Variants in ZBTB20 observed in about 807,000 individuals in gnomAD.
The protein encoded by ZBTB20 is zinc finger and BTB domain containing 20.
A neutral mutation model predicts 56.9 loss-of-function variants in ZBTB20; 9 were observed. The observed-to-expected ratio is 0.16, with a 90% CI of 0.10 to 0.28. ZBTB20 has a LOEUF of 0.28. Ranked by LOEUF, ZBTB20 falls within the 10% of genes least tolerant of loss-of-function variation. ZBTB20 has a pLI of 1.00. For synonymous variants in ZBTB20, 417 were observed against 420.7 expected (o/e 0.99, Z 0.11); for missense variants, 655 against 1,003.0 (o/e 0.65, Z 4.69).
At chr3:115,037,244 C>A (rs906899190) in intron 2 of ZBTB20, among the ~76,000 whole-genome samples, 1 of 152,082 alleles carries the variant, frequency 6.6e-6, no homozygotes, top group Admixed American at 6.5e-5. Flanking sequence ...AGGTGTTAAA[C>A]CCACATCTAT....
chr3:115,112,314 CT>C (rs367812776), intron 1 of ZBTB20, among the ~76,000 whole-genome samples: 12 of 150,828 alleles, frequency 8.0e-5, no homozygotes, highest in Admixed American at 2.6e-4. Flanking sequence ...ATGTGGTTTT[CT>C]TTTTTTTTGA....
chr3:114,583,738 A>G (rs2054888582), intron 6 of ZBTB20, among the ~76,000 whole-genome samples: 1 of 152,190 alleles, frequency 6.6e-6, no homozygotes, highest in African/African-American at 2.4e-5. Context: ...GTTGAAATGT[A>G]TATTCCTTAG....
At chr3:115,121,154 T>C (rs1393198502) in intron 1 of ZBTB20, among the ~76,000 whole-genome samples, 1 of 152,036 alleles carries the variant, frequency 6.6e-6, no homozygotes, top group East Asian at 1.9e-4. Flanking sequence ...TGCCTAAAAT[T>C]TCCTGAGTTC....
At chr3:114,437,225 G>A (rs1225080554) in intron 7 of ZBTB20, among the ~76,000 whole-genome samples, 5 of 152,054 alleles carry the variant, frequency 3.3e-5, no homozygotes, top group Admixed American at 6.6e-5. Context: ...TTTGCCCAGG[G>A]CCTTGTCTGG....
intron 1 of ZBTB20, among the ~76,000 whole-genome samples, chr3:115,103,972 A>C (rs1025814220): frequency 2.0e-5 from 3 of 152,212 alleles, no homozygotes; most frequent in Non-Finnish European, 2.9e-5. Flanking sequence ...TGTTATCTAA[A>C]ACATGCAAAG....
intron 4 of ZBTB20, among the ~76,000 whole-genome samples, chr3:114,812,538 C>A (rs2072613917): frequency 6.6e-6 from 1 of 152,172 alleles, no homozygotes; most frequent in South Asian, 2.1e-4. Flanking sequence ...ACCAGAGTAG[C>A]CAGATATAGA....
intron 7 of ZBTB20, among the ~76,000 whole-genome samples, chr3:114,462,541 C>T (rs1396171747): frequency 2.0e-5 from 3 of 152,148 alleles, no homozygotes; most frequent in African/African-American, 7.2e-5. Context: ...TCTTGCATTT[C>T]CATACCATAT....
chr3:115,005,174 G>A lies in ZBTB20; in HGVS notation c.-506-30758C>T, dbSNP rs568513143. 2.2e-4 allele frequency among the ~76,000 whole-genome samples: 34 copies of A among 151,780 alleles called. No homozygotes were observed. In the South Asian group the frequency reaches 6.4e-3, roughly 29 times the overall value. Reference sequence around the variant, plus strand: ...TTTTAAATTAATACATTTAGAAAAGGTTTAATAGAATGTGGCTGAACCTCA... The same window carrying A: ...TTTTAAATTAATACATTTAGAAAAGATTTAATAGAATGTGGCTGAACCTCA... On this transcript the variant is annotated intron_variant, in intron 2 of 11. Transcript: ENST00000675478.
At chr3:114,871,821 A>G (rs964362319) in intron 4 of ZBTB20, among the ~76,000 whole-genome samples, 1 of 152,158 alleles carries the variant, frequency 6.6e-6, no homozygotes, top group African/African-American at 2.4e-5. Flanking sequence ...CACACTCTCT[A>G]TACCACAACT....
At position 114,315,568 on chromosome 3, in the gene ZBTB20, A is replaced by AGTGTGTGTGTGTGTGTGT. The variant is rs60383315; in HGVS notation, c.*23419_*23436dup. 6.8e-6 allele frequency: 1 copy of AGTGTGTGTGTGTGTGTGT among 147,598 alleles called. No individual in the cohort carries two copies. The highest frequency in any genetic ancestry group is 2.5e-5 in the African/African-American group (1 of 39,754). The allele number at this position is 147,598 out of a possible 1,614,324, so 9.1% of individuals were successfully genotyped here. On this transcript the variant is annotated 3_prime_UTR_variant, in exon 12 of 12. Transcript: ENST00000675478. ...GTGTGTATTTTAGGTCTAAACATAC[A>AGTGTGTGTGTGTGTGTGT]GTGTGTGTGTGTGTGTGTGTGTGTG... is the stretch of plus-strand genomic sequence containing the variant.
intron 6 of ZBTB20, among the ~76,000 whole-genome samples, chr3:114,536,767 G>T (rs1431872585): frequency 6.6e-6 from 1 of 152,114 alleles, no homozygotes; most frequent in Non-Finnish European, 1.5e-5. Context: ...TACCAAAACG[G>T]CATGGTACTG....
intron 7 of ZBTB20, among the ~76,000 whole-genome samples, chr3:114,470,975 T>C (rs911888586): frequency 6.6e-6 from 1 of 152,186 alleles, no homozygotes; most frequent in Non-Finnish European, 1.5e-5. Context: ...AATCTTGTCT[T>C]TTATTATCCC....
At chr3:114,831,081 TTTC>T (rs2073812662) in intron 4 of ZBTB20, among the ~76,000 whole-genome samples, 1 of 133,108 alleles carries the variant, frequency 7.5e-6, no homozygotes, top group South Asian at 2.4e-4. Context: ...TTATGGTTTC[TTTC>T]TTCTTTTTTT....
intron 3 of ZBTB20, among the ~76,000 whole-genome samples, chr3:114,963,178 A>C (rs1435863177): frequency 2.0e-5 from 3 of 152,232 alleles, no homozygotes; most frequent in African/African-American, 7.2e-5. Flanking sequence ...AAGAGGTAGT[A>C]ATTAATGTCC....
At chr3:114,787,331 T>TTATATATATATA (rs138181405) in intron 5 of ZBTB20, among the ~76,000 whole-genome samples, 333 of 100,406 alleles carry the variant, frequency 3.3e-3, no homozygotes, top group Middle Eastern at 4.7e-3. Context: ...TCTTAAAAGG[T>TTATATATATATA]TATATATATA....
chr3:114,758,799 T>C (rs1001505482), intron 5 of ZBTB20: 1 of 152,150 alleles, frequency 6.6e-6, no homozygotes, highest in Non-Finnish European at 1.5e-5. Context: ...CAAGTTGATT[T>C]TAAAAACTCA....
At position 114,430,448 on chromosome 3, in the gene ZBTB20, A is replaced by G. The variant is rs993608678; in HGVS notation, c.-254-41343T>C. On this transcript the variant is annotated intron_variant, in intron 7 of 11. Transcript: ENST00000675478. ...ATAAGCCTGCTAAGGGAGAAACCCA[A>G]AAATGAAACAACAATGAATGCCACT... 2.0e-5 allele frequency among the ~76,000 whole-genome samples: 3 copies of G among 152,224 alleles called. No homozygotes were observed. In the South Asian group the frequency reaches 6.2e-4, roughly 31 times the overall value.
intron 1 of ZBTB20, among the ~76,000 whole-genome samples, chr3:115,117,534 T>C (rs947778318): frequency 3.3e-5 from 5 of 152,098 alleles, no homozygotes; most frequent in Admixed American, 2.6e-4. Context: ...TAAAAAACAA[T>C]CAACAGAAAT....
chr3:114,980,044 G>C (rs926375771), intron 2 of ZBTB20, among the ~76,000 whole-genome samples: 9 of 151,844 alleles, frequency 5.9e-5, no homozygotes, highest in African/African-American at 1.9e-4. Context: ...TCTAAATAGG[G>C]GGAAAAAGTA....
Sources: allele counts gnomAD v4.1 joint callset (sites outside exome capture counted in the v4.1 genomes callset), GRCh38; gene constraint gnomAD v4.1.1; transcripts MANE v1.5; gene names NCBI Gene and HGNC (gene_info 2026-07-23, HGNC 2026-07-21).